The following ANKH variants were observed in gnomAD, a reference collection of about 807,000 sequenced individuals.
ANKH encodes ANKH inorganic pyrophosphate transport regulator.
ANKH carries 15 observed loss-of-function variants against 49.0 expected under a neutral mutation model. The observed-to-expected ratio is 0.31, with a 90% CI of 0.20 to 0.47. ANKH has a LOEUF of 0.47. Among genes scored for constraint, ANKH ranks in the 20% least tolerant of loss-of-function variants. The pLI is 1.00. For synonymous variants in ANKH, 273 were observed against 260.0 expected (o/e 1.05, Z -0.48); for missense variants, 429 against 652.0 (o/e 0.66, Z 3.72).
chr5:14,811,003 A>AG (rs35285662), intron 1 of ANKH, among the ~76,000 whole-genome samples: 1 of 151,792 alleles, frequency 6.6e-6, no homozygotes, highest in Non-Finnish European at 1.5e-5. Context: ...TGAAGAAGGA[A>AG]GGGGGGGAAT....
intron 1 of ANKH, among the ~76,000 whole-genome samples, chr5:14,853,365 C>T (rs1009310781): frequency 5.3e-5 from 8 of 152,078 alleles, no homozygotes; most frequent in African/African-American, 1.9e-4. Context: ...CACTTGAGCC[C>T]TGGGGCTTGA....
rs1737307740 is a variant in ANKH, at chr5:14,713,246, A to G, written c.1266-273T>C. Among the ~76,000 whole-genome samples the G allele has an allele frequency of 6.6e-6, 1 of 151,950 alleles. No individual in the cohort carries two copies. The highest frequency in any genetic ancestry group is 6.5e-5 in the Admixed American group (1 of 15,272). On this transcript the variant is annotated intron_variant, in intron 10 of 11. Transcript: ENST00000284268. This position sits in a 1 kb window ranked among gnomAD's most constrained non-coding sequence, Gnocchi z 4.4. ...TGGGAGCTCCCTGAGCGCAGGGACCATGTCCTTCTCTTCTGGTTTTCATGT... is the reference window on the plus strand; with the variant it reads ...TGGGAGCTCCCTGAGCGCAGGGACCGTGTCCTTCTCTTCTGGTTTTCATGT...
At chr5:14,717,078 T>C in intron 8 of ANKH, 1 of 482,880 alleles carries the variant, frequency 2.1e-6, no homozygotes, top group Non-Finnish European at 3.8e-6. Context: ...ATGTGGCTCC[T>C]CCAAGAGTGG....
intron 1 of ANKH, among the ~76,000 whole-genome samples, chr5:14,796,287 T>C (rs539032064): frequency 6.6e-6 from 1 of 151,890 alleles, no homozygotes; most frequent in Non-Finnish European, 1.5e-5. Flanking sequence ...GGCATCAAAC[T>C]AGTGGTCAAG....
intron 1 of ANKH, among the ~76,000 whole-genome samples, chr5:14,852,920 A>G (rs1431378302): frequency 1.3e-5 from 2 of 151,958 alleles, no homozygotes; most frequent in Non-Finnish European, 2.9e-5. Flanking sequence ...ACACCCATTA[A>G]TTCCACCCAA....
chr5:14,786,225 A>T (rs934647906), intron 1 of ANKH, among the ~76,000 whole-genome samples: 4 of 152,202 alleles, frequency 2.6e-5, no homozygotes, highest in Non-Finnish European at 5.9e-5. Flanking sequence ...GAAATAAATT[A>T]AAGAAGTAGT....
At chr5:14,848,115 G>GTA (rs1183698472) in intron 1 of ANKH, among the ~76,000 whole-genome samples, 1 of 152,178 alleles carries the variant, frequency 6.6e-6, no homozygotes, top group South Asian at 2.1e-4. Flanking sequence ...ACTCCAGCCT[G>GTA]GCGATGGACC....
chr5:14,808,161 G>GA (rs1256355921), intron 1 of ANKH, among the ~76,000 whole-genome samples: 74 of 152,116 alleles, frequency 4.9e-4, no homozygotes, highest in Non-Finnish European at 8.7e-4. Flanking sequence ...ACAAAGGAAG[G>GA]AAAAATCAGC....
intron 8 of ANKH, among the ~76,000 whole-genome samples, chr5:14,738,478 C>T (rs967505136): frequency 2.6e-5 from 4 of 152,120 alleles, no homozygotes; most frequent in East Asian, 1.9e-4. Flanking sequence ...AGCGTGCTAA[C>T]GTTGGCCAAT....
At chr5:14,756,314 G>A (rs975251514) in intron 3 of ANKH, among the ~76,000 whole-genome samples, 3 of 152,212 alleles carry the variant, frequency 2.0e-5, no homozygotes, top group Non-Finnish European at 4.4e-5. Flanking sequence ...ACGTGATGCA[G>A]ATCATAATGA....
In ANKH at chr5:14,708,359, C is replaced by T. The variant is rs889380003; in HGVS notation, c.*2838G>A. ...CACTCAGTTTTGGAGAAAGTCACACCTGGTCTTTCCCTGGTCTTTGACATG... is the reference window on the plus strand; with the variant it reads ...CACTCAGTTTTGGAGAAAGTCACACTTGGTCTTTCCCTGGTCTTTGACATG... On this transcript the variant is annotated 3_prime_UTR_variant, in exon 12 of 12. Transcript: ENST00000284268. 14 of 152,194 alleles carry T rather than the reference C, an allele frequency of 9.2e-5. No individual in the cohort carries two copies. Among genetic ancestry groups the T allele is most frequent in the African/African-American group, 3.1e-4 (13 of 41,442 alleles). 9.4% of individuals were successfully genotyped at this position (152,194 alleles called of 1,614,324 possible). A position where few individuals can be genotyped will look rare whatever the true frequency, so the allele number is the denominator to read the frequency against.
intron 2 of ANKH, among the ~76,000 whole-genome samples, chr5:14,767,000 T>C (rs1461691119): frequency 3.3e-5 from 5 of 152,166 alleles, no homozygotes; most frequent in Non-Finnish European, 5.9e-5. Flanking sequence ...TCAGCATTAC[T>C]AGGAAATGAA....
chr5:14,718,094 G>A (rs1737538535), intron 8 of ANKH, among the ~76,000 whole-genome samples: 1 of 152,176 alleles, frequency 6.6e-6, no homozygotes, highest in Admixed American at 6.5e-5. Flanking sequence ...CAGCCCAAGA[G>A]AAAAGACGTA....
intron 1 of ANKH, among the ~76,000 whole-genome samples, chr5:14,792,848 A>T (rs1389819810): frequency 6.7e-6 from 1 of 150,080 alleles, no homozygotes; most frequent in Non-Finnish European, 1.5e-5. Flanking sequence ...GTGGTGGCAG[A>T]CACCTGTAAT....
chr5:14,836,947 C>A (rs1580106700), intron 1 of ANKH, among the ~76,000 whole-genome samples: 1 of 152,158 alleles, frequency 6.6e-6, no homozygotes, highest in East Asian at 1.9e-4. Context: ...CAGAACAGAG[C>A]CCTCAGAAAT....
chr5:14,728,662 T>C (rs992463541), intron 8 of ANKH, among the ~76,000 whole-genome samples: 4 of 152,200 alleles, frequency 2.6e-5, no homozygotes, highest in Admixed American at 2.0e-4. Context: ...GTGACAGCTA[T>C]GGCTTGGGGG....
Position 14,707,638 on chromosome 5 carries a change from C to G in ANKH, c.*3559G>C, listed in dbSNP as rs886060074. The G allele has an allele frequency of 1.3e-5, 2 of 152,160 alleles. No homozygotes were observed. Among genetic ancestry groups the G allele is most frequent in the East Asian group, 1.9e-4 (1 of 5,184 alleles). 9.4% of individuals were successfully genotyped at this position (152,160 alleles called of 1,614,324 possible). A position where few individuals can be genotyped will look rare whatever the true frequency, so the allele number is the denominator to read the frequency against. On this transcript the variant is annotated 3_prime_UTR_variant, in exon 12 of 12. Coordinates refer to ENST00000284268, the MANE Select transcript of ANKH (RefSeq NM_054027.6). ...CCTGGGAGCTCCCAGGCCTCCCCAT[C>G]CTGGGCCCCCCACCCCCTGCACCTC...
Position 14,706,358 on chromosome 5 carries a change from A to G in ANKH, c.*4839T>C, listed in dbSNP as rs552002193. The G allele has an allele frequency of 1.1e-4, 16 of 152,340 alleles. No homozygotes were observed. The East Asian group carries it at 2.9e-3, about 28-fold the overall frequency. 9.4% of individuals were successfully genotyped at this position (152,340 alleles called of 1,614,324 possible). ...TCACTAAAATGAAATATTTTAAAAGATACTGGCTATAATTCTCCTGGAACC... is the reference window on the plus strand; with the variant it reads ...TCACTAAAATGAAATATTTTAAAAGGTACTGGCTATAATTCTCCTGGAACC... On this transcript the variant is annotated 3_prime_UTR_variant, in exon 12 of 12. Coordinates refer to ENST00000284268, the MANE Select transcript of ANKH (RefSeq NM_054027.6).
At chr5:14,860,518 G>T (rs2250476) in intron 1 of ANKH, among the ~76,000 whole-genome samples, 12,284 of 152,098 alleles carry the variant, frequency 0.081, 950 homozygotes, top group African/African-American at 0.21. Flanking sequence ...AGAGAATTTT[G>T]TGTTGTTGTT....
Sources: allele counts gnomAD v4.1 joint callset (sites outside exome capture counted in the v4.1 genomes callset), GRCh38; gene constraint gnomAD v4.1.1; non-coding constraint Gnocchi (gnomAD v3.1); transcripts MANE v1.5; gene names NCBI Gene and HGNC (gene_info 2026-07-23, HGNC 2026-07-21).